Variants in CCM2 observed in about 807,000 individuals in gnomAD.
CCM2 encodes CCM2 scaffold protein.
Under a neutral mutation model 44.9 loss-of-function variants are expected in CCM2, and 25 were observed. The observed-to-expected ratio is 0.56, with a 90% CI of 0.41 to 0.78. CCM2 has a LOEUF of 0.78. CCM2 is among the 30% of genes least tolerant of loss of function. The probability of loss-of-function intolerance (pLI) is 0.00; values close to 1 mark genes in which losing one functional copy is unlikely to be tolerated. For missense variants in CCM2, 481 were observed against 580.6 expected, an observed-to-expected ratio of 0.83 and a Z score of 1.76; for synonymous variants, 219 against 241.1, an observed-to-expected ratio of 0.91 and a Z score of 0.85.
At chr7:45,047,449 A>T (rs1342847650) in intron 2 of CCM2, among the ~76,000 whole-genome samples, 2 of 152,238 alleles carry the variant, frequency 1.3e-5, no homozygotes, top group Middle Eastern at 3.4e-3. Context: ...AGGCTGGAGG[A>T]TTGCTTGAGC....
At chr7:45,007,983 T>C (rs1276581791) in intron 1 of CCM2, among the ~76,000 whole-genome samples, 1 of 152,174 alleles carries the variant, frequency 6.6e-6, no homozygotes, top group East Asian at 1.9e-4. Flanking sequence ...CCATGAGCTC[T>C]CTGGTCAGGT....
chr7:45,032,044 T>C (rs941078302), intron 1 of CCM2, among the ~76,000 whole-genome samples: 1 of 152,154 alleles, frequency 6.6e-6, no homozygotes, highest in Non-Finnish European at 1.5e-5. Context: ...AGCCCCATCA[T>C]CCTCAGCGAG....
Position 45,073,563 on chromosome 7 carries a change from A to T in CCM2, c.907A>T (p.Met303Leu). ...ASATELLQDY[M>L]LTLRTKLSSQ... ...CGCCACTGAGCTGCTGCAGGACTAC[A>T]TGCTGACGGTAGGCCTCCGCTGCAG... is the stretch of plus-strand genomic sequence containing the variant. The change falls in exon 8 of 10, where the codon ATG becomes TTG. Residue 303 changes from methionine to leucine, a missense_variant. By Grantham distance (15) the Met-to-Leu change is conservative. Coordinates refer to ENST00000258781, the MANE Select transcript of CCM2 (RefSeq NM_031443.4). The T allele has an allele frequency of 1.2e-6, 2 of 1,607,558 alleles. No homozygotes were observed. Among genetic ancestry groups the T allele is most frequent in the Non-Finnish European group, 1.7e-6 (2 of 1,176,512 alleles).
intron 7 of CCM2, chr7:45,073,041 G>A: frequency 1.6e-6 from 1 of 617,074 alleles, no homozygotes; most frequent in East Asian, 2.8e-5. Flanking sequence ...GCTTGTAATA[G>A]GCATGTTGGA....
At chr7:45,063,844 C>G in intron 2 of CCM2, 74 bp from the exon 3 acceptor site, 1 of 1,024,142 alleles carries the variant, frequency 9.8e-7, no homozygotes, top group African/African-American at 1.6e-5. Flanking sequence ...TTGGTTTGTG[C>G]TCTCGGTGGT....
chr7:45,003,666 TG>T (rs1213622639), intron 1 of CCM2, among the ~76,000 whole-genome samples: 4 of 151,130 alleles, frequency 2.6e-5, no homozygotes, highest in African/African-American at 9.7e-5. Context: ...AGGTGGAGGT[TG>T]CAGTGAGCTG....
rs1351084306 is a variant in CCM2 at position 45,022,549 on chromosome 7, G to T, written c.31-15704G>T. ...TCTCCATCTCCTGACCTCGTCATCC[G>T]CCCGCCTCGGCCTCCCAAAGTGCTG... On this transcript the variant is annotated intron_variant, in intron 1 of 9. Coordinates refer to ENST00000258781, the MANE Select transcript of CCM2 (RefSeq NM_031443.4). 4.6e-5 allele frequency among the ~76,000 whole-genome samples: 7 copies of T among 151,252 alleles called. No individual in the cohort carries two copies. The East Asian group carries it at 1.4e-3, about 30-fold the overall frequency.
At chr7:45,033,073 AG>A (rs1797045026) in intron 1 of CCM2, among the ~76,000 whole-genome samples, 2 of 138,088 alleles carry the variant, frequency 1.4e-5, no homozygotes, top group African/African-American at 2.6e-5. Context: ...AAAAAAAAAG[AG>A]CAAAGGCCAG....
chr7:45,057,351 C>T (rs1039867390), intron 2 of CCM2, among the ~76,000 whole-genome samples: 33 of 151,944 alleles, frequency 2.2e-4, no homozygotes, highest in East Asian at 1.9e-4. Flanking sequence ...TTAGTAGAGA[C>T]GGGGTTTCAC....
intron 1 of CCM2, among the ~76,000 whole-genome samples, chr7:45,006,235 C>G (rs1795842314): frequency 1.3e-5 from 2 of 152,134 alleles, no homozygotes; most frequent in Admixed American, 1.3e-4. Flanking sequence ...CTCATTCCTG[C>G]TTCCTGCCTG....
chr7:45,017,866 A>G (rs956599541), intron 1 of CCM2, among the ~76,000 whole-genome samples: 2 of 152,108 alleles, frequency 1.3e-5, no homozygotes, highest in Admixed American at 6.5e-5. Context: ...TAGCCTGAAG[A>G]CCTTGCTTAG....
At chr7:45,028,677 AATT>A (rs1364298696) in intron 1 of CCM2, among the ~76,000 whole-genome samples, 2 of 151,938 alleles carry the variant, frequency 1.3e-5, no homozygotes, top group East Asian at 3.9e-4. Flanking sequence ...AAAAGAAAGA[AATT>A]AGCCGTGTCC....
At chr7:45,028,283 C>A (rs1359391218) in intron 1 of CCM2, among the ~76,000 whole-genome samples, 1 of 152,210 alleles carries the variant, frequency 6.6e-6, no homozygotes, top group East Asian at 1.9e-4. Context: ...CCAGTGTGGC[C>A]TCCTGTGGGC....
intron 2 of CCM2, among the ~76,000 whole-genome samples, chr7:45,056,780 G>A (rs754660581): frequency 8.5e-5 from 13 of 152,132 alleles, no homozygotes; most frequent in East Asian, 1.9e-4. Flanking sequence ...TTTTTTCACC[G>A]TGTTGATTGT....
intron 2 of CCM2, among the ~76,000 whole-genome samples, chr7:45,040,995 A>C (rs148344444): frequency 2.6e-5 from 4 of 152,328 alleles, no homozygotes; most frequent in African/African-American, 9.6e-5. Flanking sequence ...GTCTTCAAAA[A>C]CAAAACAAAA....
At chr7:45,021,877 C>G (rs981239465) in intron 1 of CCM2, among the ~76,000 whole-genome samples, 7 of 152,134 alleles carry the variant, frequency 4.6e-5, no homozygotes, top group Non-Finnish European at 1.0e-4. Flanking sequence ...GGTTATGATT[C>G]ATTAGTGGCA....
intron 1 of CCM2, among the ~76,000 whole-genome samples, chr7:45,021,757 A>T (rs902103244): frequency 6.6e-6 from 1 of 150,560 alleles, no homozygotes; most frequent in African/African-American, 2.4e-5. Context: ...GGAGGGGAGG[A>T]GAGGGGAAGG....
chr7:45,072,604 A>T, intron 6 of CCM2, 122 bp from the exon 7 acceptor site: 2 of 774,584 alleles, frequency 2.6e-6, no homozygotes, highest in East Asian at 2.6e-5. Context: ...GATGAAGGAC[A>T]GCAGGGTCCC....
At chr7:45,043,817 C>A in intron 2 of CCM2, 1 of 338,462 alleles carries the variant, frequency 3.0e-6, no homozygotes. Flanking sequence ...ATGTTTCAAA[C>A]CACTCTCCGT....
Sources: allele counts gnomAD v4.1 joint callset (sites outside exome capture counted in the v4.1 genomes callset), GRCh38; gene constraint gnomAD v4.1.1; transcripts MANE v1.5; gene names NCBI Gene and HGNC (gene_info 2026-07-23, HGNC 2026-07-21).